Variants in DPF3 observed in about 807,000 individuals in gnomAD.
The protein encoded by DPF3 is double PHD fingers 3.
A neutral mutation model predicts 56.8 loss-of-function variants in DPF3; 18 were observed. The ratio of observed to expected loss-of-function variants is 0.32; its 90% CI spans 0.22 to 0.47. DPF3 has a LOEUF of 0.47. Among genes scored for constraint, DPF3 ranks in the 20% least tolerant of loss-of-function variants. DPF3 has a pLI of 1.00. For missense variants in DPF3, 403 were observed against 488.8 expected (o/e 0.82, Z 1.65); for synonymous variants, 188 against 180.2 (o/e 1.04, Z -0.35).
In DPF3 at chr14:72,761,685, A is replaced by T. The variant is rs1891074784; in HGVS notation, c.194-8314T>A. On this transcript the variant is annotated intron_variant, in intron 2 of 10. Transcript: ENST00000556509. ...TGTACCATAAAAATTAAAAAATTAA[A>T]AGAAATAAGAAACAGAAGAGCAAAT... Among the ~76,000 whole-genome samples the T allele has an allele frequency of 2.0e-5, 3 of 151,916 alleles. 1 individual carries two copies. In the South Asian group the frequency reaches 6.2e-4, roughly 31 times the overall value.
chr14:72,749,015 C>T (rs757102067), intron 3 of DPF3, among the ~76,000 whole-genome samples: 32 of 152,208 alleles, frequency 2.1e-4, no homozygotes, highest in Non-Finnish European at 3.2e-4. Context: ...CACCACCTAG[C>T]GGAGCTGTGA....
intron 1 of DPF3, among the ~76,000 whole-genome samples, chr14:72,850,058 G>T (rs1443569866): frequency 2.0e-5 from 3 of 152,094 alleles, no homozygotes; most frequent in African/African-American, 7.2e-5. Flanking sequence ...GGTGGAGGTT[G>T]CAGTGAGCCG....
At chr14:72,738,782 C>CA (rs928924463) in intron 3 of DPF3, among the ~76,000 whole-genome samples, 3 of 152,030 alleles carry the variant, frequency 2.0e-5, no homozygotes, top group African/African-American at 4.8e-5. Flanking sequence ...CATGCACACA[C>CA]AAAAAATGAC....
intron 1 of DPF3, among the ~76,000 whole-genome samples, chr14:72,799,655 G>A (rs1178109251): frequency 6.7e-6 from 1 of 148,862 alleles, no homozygotes; most frequent in Non-Finnish European, 1.5e-5. Context: ...ATATATATAT[G>A]AGAAAGAGAC....
chr14:72,718,037 T>C (rs1801857493), intron 5 of DPF3, among the ~76,000 whole-genome samples: 1 of 152,162 alleles, frequency 6.6e-6, no homozygotes, highest in Non-Finnish European at 1.5e-5. Flanking sequence ...TAGAAAACAG[T>C]GACCCTAGCT....
intron 1 of DPF3, among the ~76,000 whole-genome samples, chr14:72,859,479 C>CA (rs1270605893): frequency 9.0e-6 from 1 of 110,728 alleles, no homozygotes; most frequent in Admixed American, 8.9e-5. Context: ...TCCCCCCCCC[C>CA]CCCCACACCA....
chr14:72,613,816 G>A lies in DPF3; in HGVS notation c.*5481C>T, dbSNP rs562203550. The stretch of plus-strand genomic sequence containing the variant: ...CCTCTCTTCTAGCTGCCTGGGCTGC[G>A]CACATGGAGGGGGCGCCCGCCGCAC... On this transcript the variant is annotated 3_prime_UTR_variant, in exon 11 of 11. Transcript: ENST00000556509. Among the ~76,000 whole-genome samples, 231 of 152,266 alleles carry A rather than the reference G, an allele frequency of 1.5e-3. No individual in the cohort carries two copies. The highest frequency in any genetic ancestry group is 3.4e-3 in the Middle Eastern group (1 of 294).
intron 4 of DPF3, among the ~76,000 whole-genome samples, chr14:72,727,937 C>G (rs975216367): frequency 6.6e-6 from 1 of 152,186 alleles, no homozygotes; most frequent in African/African-American, 2.4e-5. Context: ...GCACAGTAGA[C>G]AGCAGACCCA....
rs555286413 is a variant in DPF3 at position 72,876,539 on chromosome 14, C to T, written c.32+17518G>A. ...TTTTCCCTTCTGTTCACGGACACCC[C>T]CCACCTACTCCCAACCAGCCAAACA... On this transcript the variant is annotated intron_variant, in intron 1 of 10. Coordinates refer to ENST00000556509, the MANE Select transcript of DPF3 (RefSeq NM_001280542.3). Among the ~76,000 whole-genome samples the T allele has an allele frequency of 2.6e-5, 4 of 152,320 alleles. No individual in the cohort carries two copies. The South Asian group carries it at 8.3e-4, about 32-fold the overall frequency.
chr14:72,714,612 C>A, intron 5 of DPF3, 111 bp from the exon 6 acceptor site: 2 of 1,214,710 alleles, frequency 1.6e-6, no homozygotes. Context: ...TTTGTGCCAA[C>A]ACCAGTCCCA....
At chr14:72,891,917 G>A (rs1886766905) in intron 1 of DPF3, among the ~76,000 whole-genome samples, 2 of 152,146 alleles carry the variant, frequency 1.3e-5, no homozygotes, top group Admixed American at 6.5e-5. Context: ...GTACAATTCA[G>A]AACTAATTCC....
chr14:72,753,500 AC>A (rs1890665254), intron 2 of DPF3, 129 bp from the exon 3 acceptor site: 12 of 743,078 alleles, frequency 1.6e-5, no homozygotes, highest in Non-Finnish European at 2.5e-5. Context: ...TGTCAACATC[AC>A]AAAGCTGATT....
Position 72,709,732 on chromosome 14 carries a change from T to C in DPF3, c.604+4691A>G, listed in dbSNP as rs959438688. 9.2e-5 allele frequency among the ~76,000 whole-genome samples: 14 copies of C among 151,852 alleles called. 1 individual carries two copies. Among genetic ancestry groups the C allele is most frequent in the African/African-American group, 2.9e-4 (12 of 41,312 alleles). ...ATCCTAGATCCCAGCTGTGTGACCA[T>C]GGACAAGGCCCTACACCTCTCTGAG... On this transcript the variant is annotated intron_variant, in intron 6 of 10. Transcript: ENST00000556509.
chr14:72,778,087 G>A (rs1440231945), intron 1 of DPF3, among the ~76,000 whole-genome samples: 1 of 152,156 alleles, frequency 6.6e-6, no homozygotes, highest in African/African-American at 2.4e-5. Context: ...CTGTATGTGA[G>A]CTATAAGGAG....
chr14:72,687,882 T>A (rs1333834350), intron 7 of DPF3, among the ~76,000 whole-genome samples: 4 of 151,966 alleles, frequency 2.6e-5, no homozygotes, highest in Admixed American at 1.3e-4. Flanking sequence ...AACCTGAGAA[T>A]CTACATTTTC....
At chr14:72,701,503 C>A (rs909440112) in intron 6 of DPF3, among the ~76,000 whole-genome samples, 1 of 152,198 alleles carries the variant, frequency 6.6e-6, no homozygotes, top group Non-Finnish European at 1.5e-5. Flanking sequence ...TTACTGCACG[C>A]CCCCTGCCCT....
Position 72,616,912 on chromosome 14 carries a change from C to T in DPF3, c.*2385G>A, listed in dbSNP as rs573170669. ...AGCCCACAAGCTGGCTTGCTATCCC[C>T]GCTTTCCAGATGGGGAAACTGAGGC... On this transcript the variant is annotated 3_prime_UTR_variant, in exon 11 of 11. Coordinates refer to ENST00000556509, the MANE Select transcript of DPF3 (RefSeq NM_001280542.3). Among the ~76,000 whole-genome samples the T allele has an allele frequency of 1.8e-4, 27 of 152,298 alleles. 1 individual carries two copies. In the South Asian group the frequency reaches 5.0e-3, roughly 28 times the overall value.
intron 1 of DPF3, among the ~76,000 whole-genome samples, chr14:72,887,187 A>G (rs1487133829): frequency 7.1e-6 from 1 of 141,452 alleles, no homozygotes; most frequent in Non-Finnish European, 1.6e-5. Flanking sequence ...ACACACACAC[A>G]CACACACACA....
chr14:72,861,164 C>T lies in DPF3; in HGVS notation c.32+32893G>A, dbSNP rs906556240. Among the ~76,000 whole-genome samples, 79 of 151,996 alleles carry T rather than the reference C, an allele frequency of 5.2e-4. 1 individual carries two copies. The highest frequency in any genetic ancestry group is 5.2e-3 in the Admixed American group (79 of 15,252). The stretch of plus-strand genomic sequence containing the variant: ...TCATCTATCTGTCTGTCTCCTTCCT[C>T]CCTCCCTCTCTCGCTCACTCTGTGT... On this transcript the variant is annotated intron_variant, in intron 1 of 10. Coordinates refer to ENST00000556509, the MANE Select transcript of DPF3 (RefSeq NM_001280542.3).
Sources: allele counts gnomAD v4.1 joint callset (sites outside exome capture counted in the v4.1 genomes callset), GRCh38; gene constraint gnomAD v4.1.1; transcripts MANE v1.5; gene names NCBI Gene and HGNC (gene_info 2026-07-23, HGNC 2026-07-21).